EFCAB11: variants seen among roughly 807,000 people sequenced by gnomAD.
The protein encoded by EFCAB11 is EF-hand calcium-binding domain-containing protein 11.
Under a neutral mutation model 23.0 loss-of-function variants are expected in EFCAB11, and 14 were observed. That is an observed-to-expected ratio of 0.61 (90% CI 0.40 to 0.95). EFCAB11 has a LOEUF of 0.95. Among genes scored for constraint, EFCAB11 ranks in the 40% least tolerant of loss-of-function variants. The probability of loss-of-function intolerance (pLI) is 0.00; values close to 1 mark genes in which losing one functional copy is unlikely to be tolerated. For missense variants in EFCAB11, 198 were observed against 195.8 expected, an observed-to-expected ratio of 1.01 and a Z score of -0.07; for synonymous variants, 65 against 66.6, an observed-to-expected ratio of 0.98 and a Z score of 0.11.
At chr14:89,866,929 C>T (rs2140157649) in intron 5 of EFCAB11, among the ~76,000 whole-genome samples, 1 of 152,318 alleles carries the variant, frequency 6.6e-6, no homozygotes, top group African/African-American at 2.4e-5. Flanking sequence ...TGCCACCAAA[C>T]CCAGCTAATT....
At chr14:89,942,548 G>A (rs553638758) in intron 3 of EFCAB11, among the ~76,000 whole-genome samples, 1 of 152,282 alleles carries the variant, frequency 6.6e-6, no homozygotes, top group African/African-American at 2.4e-5. Context: ...GCATCACAGA[G>A]AATGAGGGTT....
intron 5 of EFCAB11, among the ~76,000 whole-genome samples, chr14:89,865,534 G>A (rs1271785107): frequency 6.6e-6 from 1 of 152,014 alleles, no homozygotes; most frequent in East Asian, 1.9e-4. Flanking sequence ...TTGAGATTGG[G>A]TCCAATGCCC....
chr14:89,915,804 T>C (rs1192692990), intron 5 of EFCAB11, among the ~76,000 whole-genome samples: 1 of 152,182 alleles, frequency 6.6e-6, no homozygotes, highest in Non-Finnish European at 1.5e-5. Context: ...AACTAAATGG[T>C]ATCAAATACT....
intron 5 of EFCAB11, among the ~76,000 whole-genome samples, chr14:89,857,563 T>C (rs1887793931): frequency 6.6e-6 from 1 of 152,096 alleles, no homozygotes; most frequent in Non-Finnish European, 1.5e-5. Flanking sequence ...TGCTGGATGG[T>C]CATTGGTTCC....
intron 5 of EFCAB11, among the ~76,000 whole-genome samples, chr14:89,908,107 G>T (rs1340822419): frequency 6.6e-6 from 1 of 152,214 alleles, no homozygotes; most frequent in Non-Finnish European, 1.5e-5. Context: ...AAGAGGAGGG[G>T]TGGACCTTTC....
chr14:89,848,934 A>C (rs1887513613), intron 5 of EFCAB11: 1 of 152,224 alleles, frequency 6.6e-6, no homozygotes, highest in South Asian at 2.1e-4. Flanking sequence ...CTCAAGAAAA[A>C]ATAAATAAAT....
At chr14:89,930,577 T>C (rs1890354987) in intron 5 of EFCAB11, among the ~76,000 whole-genome samples, 1 of 152,196 alleles carries the variant, frequency 6.6e-6, no homozygotes, top group Admixed American at 6.5e-5. Flanking sequence ...CCTAACCAGC[T>C]GGAATTCAGA....
chr14:89,839,228 A>G (rs2140125012), intron 5 of EFCAB11, among the ~76,000 whole-genome samples: 1 of 152,348 alleles, frequency 6.6e-6, no homozygotes, highest in South Asian at 2.1e-4. Flanking sequence ...GGCAGGTACA[A>G]TGTTCTACCA....
Position 89,937,318 on chromosome 14 carries a change from C to T in EFCAB11, c.218-4691G>A, listed in dbSNP as rs1890620863. On this transcript the variant is annotated intron_variant, in intron 3 of 5. Transcript: ENST00000316738. ...AACTATTTGGTTTGAAGTGGGTGGG[C>T]TTCCCATTCTTCCCTATCCAACAGT... Among the ~76,000 whole-genome samples, 4 of 152,252 alleles carry T rather than the reference C, an allele frequency of 2.6e-5. No individual in the cohort carries two copies. In the South Asian group the frequency reaches 8.3e-4, roughly 32 times the overall value.
chr14:89,808,592 G>C (rs1182894835), intron 5 of EFCAB11, among the ~76,000 whole-genome samples: 9 of 152,100 alleles, frequency 5.9e-5, no homozygotes, highest in African/African-American at 1.9e-4. Flanking sequence ...CCTTAGTTCA[G>C]CATGACTATA....
chr14:89,886,372 G>T (rs1356297582), intron 5 of EFCAB11, among the ~76,000 whole-genome samples: 2 of 151,866 alleles, frequency 1.3e-5, no homozygotes, highest in Non-Finnish European at 2.9e-5. Context: ...AAAGAAATGA[G>T]CCGGGCGTGG....
At chr14:89,838,586 C>T (rs559057165) in intron 5 of EFCAB11, among the ~76,000 whole-genome samples, 3 of 152,032 alleles carry the variant, frequency 2.0e-5, no homozygotes, top group African/African-American at 7.2e-5. Flanking sequence ...GGGAGAAAAA[C>T]AATAACAGCA....
At chr14:89,929,030 C>CATATATATATATATATATATATTTTAT (rs34339124) in intron 5 of EFCAB11, among the ~76,000 whole-genome samples, 2 of 121,332 alleles carry the variant, frequency 1.6e-5, no homozygotes, top group African/African-American at 6.0e-5. Context: ...TAAATACATA[C>CATATATATATATATATATATATTTTAT]ATATATATAT....
rs895573269 is a variant in EFCAB11 at position 89,795,821 on chromosome 14, A to G, written c.*1422T>C. ...GAATTATATTAAAAGTTCTTTGACT[A>G]ATGTTCATGTTATGCATTCCGTACA... On this transcript the variant is annotated 3_prime_UTR_variant, in exon 6 of 6. Transcript: ENST00000316738. The G allele has an allele frequency of 2.0e-5, 3 of 152,228 alleles. No homozygotes were observed. The highest frequency in any genetic ancestry group is 7.2e-5 in the African/African-American group (3 of 41,454). 9.4% of individuals were successfully genotyped at this position (152,228 alleles called of 1,614,324 possible).
chr14:89,925,648 C>CTTTTTTTTTTTT (rs397758240), intron 5 of EFCAB11, among the ~76,000 whole-genome samples: 14 of 134,710 alleles, frequency 1.0e-4, no homozygotes, highest in Middle Eastern at 3.6e-3. Flanking sequence ...ATGTTTCTTT[C>CTTTTTTTTTTTT]TTTTTTTTTT....
chr14:89,897,094 G>A (rs1055660168), intron 5 of EFCAB11, among the ~76,000 whole-genome samples: 3 of 150,954 alleles, frequency 2.0e-5, no homozygotes, highest in Non-Finnish European at 4.4e-5. Flanking sequence ...ACTATTGAGT[G>A]AAAAAAAGCA....
At chr14:89,826,588 T>C (rs1056931893) in intron 5 of EFCAB11, among the ~76,000 whole-genome samples, 2 of 152,022 alleles carry the variant, frequency 1.3e-5, no homozygotes, top group Non-Finnish European at 2.9e-5. Flanking sequence ...TCGCAAAACT[T>C]CAGTTGAGAA....
At chr14:89,914,987 C>A (rs565477944) in intron 5 of EFCAB11, among the ~76,000 whole-genome samples, 22 of 151,728 alleles carry the variant, frequency 1.4e-4, no homozygotes, top group African/African-American at 4.6e-4. Context: ...CACACACACA[C>A]AAAAAAGCAA....
intron 5 of EFCAB11, among the ~76,000 whole-genome samples, chr14:89,809,315 C>G (rs946833291): frequency 1.3e-5 from 2 of 152,166 alleles, no homozygotes; most frequent in Non-Finnish European, 2.9e-5. Context: ...TGTTGGGGAG[C>G]TCTCCCTACC....
Sources: allele counts gnomAD v4.1 joint callset (sites outside exome capture counted in the v4.1 genomes callset), GRCh38; gene constraint gnomAD v4.1.1; transcripts MANE v1.5; gene names NCBI Gene and HGNC (gene_info 2026-07-23, HGNC 2026-07-21).